The following SNTB2 variants were observed in gnomAD, a reference collection of about 807,000 sequenced individuals.
SNTB2 encodes the protein beta-2-syntrophin.
Under a neutral mutation model 46.2 loss-of-function variants are expected in SNTB2, and 34 were observed. The observed-to-expected ratio is 0.74, with a 90% confidence interval of 0.56 to 0.98. SNTB2 has a LOEUF of 0.98. Ranked by LOEUF, SNTB2 falls within the 50% of genes least tolerant of loss-of-function variation. The probability of loss-of-function intolerance (pLI) is 0.00; values close to 1 mark genes in which losing one functional copy is unlikely to be tolerated. For missense variants in SNTB2, 603 were observed against 731.4 expected (o/e 0.82, Z 2.02); for synonymous variants, 290 against 312.6 (o/e 0.93, Z 0.76).
rs1303720188 is a variant in SNTB2, at chr16:69,187,601, C to T, written c.435C>T (p.Ile145=). ...ENRMPILISK[I]FPGLAADQSR... Reference sequence around the variant, plus strand: ...GGATGCCGATCCTCATCTCCAAGATCTTCCCCGGGCTGGCTGCCGACCAGA... The same window carrying T: ...GGATGCCGATCCTCATCTCCAAGATTTTCCCCGGGCTGGCTGCCGACCAGA... Residue 145 remains isoleucine (I), a synonymous_variant, in exon 1 of 7, where the codon ATC becomes ATT. Transcript: ENST00000336278. 1.3e-6 allele frequency: 2 copies of T among 1,554,112 alleles called. No individual in the cohort carries two copies. Among genetic ancestry groups the T allele is most frequent in the Admixed American group, 3.9e-5 (2 of 51,408 alleles).
At chr16:69,263,133 G>T in intron 3 of SNTB2, among the ~76,000 whole-genome samples, 1 of 149,064 alleles carries the variant, frequency 6.7e-6, no homozygotes, top group Non-Finnish European at 1.5e-5. Flanking sequence ...TTGAGACAGG[G>T]TCTCATTCTT....
At chr16:69,195,049 A>G (rs75336821) in intron 1 of SNTB2, among the ~76,000 whole-genome samples, 3,756 of 152,224 alleles carry the variant, frequency 0.025, 164 homozygotes, top group African/African-American at 0.085. Context: ...TATTTTCAGT[A>G]TTTTATTGGT....
intron 3 of SNTB2, among the ~76,000 whole-genome samples, chr16:69,265,803 G>A (rs1964878276): frequency 6.7e-6 from 1 of 150,366 alleles, no homozygotes; most frequent in Non-Finnish European, 1.5e-5. Context: ...CTCCAGCCTA[G>A]GTGACAGGGT....
chr16:69,222,872 C>T (rs1964420121), intron 1 of SNTB2, among the ~76,000 whole-genome samples: 1 of 151,740 alleles, frequency 6.6e-6, no homozygotes, highest in African/African-American at 2.4e-5. Context: ...ACCTCTGCCT[C>T]CCAGGTTCAA....
chr16:69,292,389 ATTATATATATATATATATT>A (rs1965173899), intron 5 of SNTB2, among the ~76,000 whole-genome samples: 1 of 11,336 alleles, frequency 8.8e-5, no homozygotes, highest in African/African-American at 2.7e-4. Context: ...TTATATATAT[ATTATATATATATATATATT>A]ATATATATAT....
chr16:69,297,833 G>T (rs900040987), intron 5 of SNTB2, among the ~76,000 whole-genome samples: 1 of 151,232 alleles, frequency 6.6e-6, no homozygotes, highest in Admixed American at 6.6e-5. Context: ...AGAATTGCTT[G>T]AGCCCAGGAG....
chr16:69,241,552 C>T (rs981202999), intron 1 of SNTB2, among the ~76,000 whole-genome samples: 20 of 148,636 alleles, frequency 1.3e-4, no homozygotes, highest in East Asian at 2.2e-4. Context: ...TGGGAGACTC[C>T]GAGGTGGGCA....
intron 5 of SNTB2, among the ~76,000 whole-genome samples, chr16:69,291,769 C>A (rs1965160978): frequency 6.6e-6 from 1 of 152,018 alleles, no homozygotes; most frequent in Admixed American, 6.6e-5. Context: ...AAGACCGCGT[C>A]TCTATGAAAA....
intron 1 of SNTB2, among the ~76,000 whole-genome samples, chr16:69,205,922 T>A (rs1353885987): frequency 1.3e-5 from 2 of 152,208 alleles, no homozygotes; most frequent in African/African-American, 2.4e-5. Flanking sequence ...ATCCTTTCCA[T>A]TGAGGTCCTA....
chr16:69,265,846 A>G (rs934746060), intron 3 of SNTB2, among the ~76,000 whole-genome samples: 4 of 151,816 alleles, frequency 2.6e-5, no homozygotes, highest in African/African-American at 7.3e-5. Context: ...AAAAAAAAAA[A>G]AAGAAATAAA....
At chr16:69,207,336 G>T (rs1190480367) in intron 1 of SNTB2, among the ~76,000 whole-genome samples, 1 of 149,246 alleles carries the variant, frequency 6.7e-6, no homozygotes, top group African/African-American at 2.5e-5. Context: ...GTATTTTTTC[G>T]GTAGAGATGG....
At position 69,251,071 on chromosome 16, in the gene SNTB2, C is replaced by T. The variant is rs1475932518; in HGVS notation, c.794+5256C>T. Among the ~76,000 whole-genome samples the T allele has an allele frequency of 6.7e-5, 10 of 148,528 alleles. No homozygotes were observed. The South Asian group carries it at 8.5e-4, about 13-fold the overall frequency. On this transcript the variant is annotated intron_variant, in intron 2 of 6. Transcript: ENST00000336278. ...TCGGCTCACTGCAAGCTCCGCCTCC[C>T]GGGTTCACGCCATTCTCCTGCCTCA...
chr16:69,222,004 C>T (rs1433440411), intron 1 of SNTB2, among the ~76,000 whole-genome samples: 1 of 152,196 alleles, frequency 6.6e-6, no homozygotes, highest in African/African-American at 2.4e-5. Context: ...ACACTGCATA[C>T]TTGACATTTA....
At chr16:69,276,176 C>G (rs1964983491) in intron 4 of SNTB2, among the ~76,000 whole-genome samples, 1 of 150,998 alleles carries the variant, frequency 6.6e-6, no homozygotes, top group Non-Finnish European at 1.5e-5. Flanking sequence ...TTCCTATAAG[C>G]CTTCTTTGGA....
intron 1 of SNTB2, among the ~76,000 whole-genome samples, chr16:69,235,512 T>G (rs565523265): frequency 6.6e-5 from 10 of 152,092 alleles, no homozygotes; most frequent in South Asian, 2.1e-4. Flanking sequence ...AAGGTGGAGT[T>G]TTTTAGAGAC....
rs78779717 is a variant in SNTB2, at chr16:69,242,165, C to G, written c.581-3437C>G. On this transcript the variant is annotated intron_variant, in intron 1 of 6. Transcript: ENST00000336278. ...GCAACAGGCTGGGTGGTGGCTCATG[C>G]TTGTAATCCCAACGCTTTGAGAGGC... Among the ~76,000 whole-genome samples, 696 of 152,220 alleles carry G rather than the reference C, an allele frequency of 4.6e-3. 32 individuals carry two copies. In the South Asian group the frequency reaches 0.09, roughly 20 times the overall value.
At chr16:69,266,221 G>T (rs1278133751) in intron 3 of SNTB2, among the ~76,000 whole-genome samples, 1 of 152,084 alleles carries the variant, frequency 6.6e-6, no homozygotes, top group Non-Finnish European at 1.5e-5. Context: ...AAAATTAGCC[G>T]GGCATGGTGG....
At chr16:69,205,414 G>C (rs1340062871) in intron 1 of SNTB2, among the ~76,000 whole-genome samples, 2 of 151,150 alleles carry the variant, frequency 1.3e-5, no homozygotes, top group Non-Finnish European at 2.9e-5. Context: ...TGGCCAGGCT[G>C]GTCTCAAACT....
chr16:69,228,876 T>C (rs899084708), intron 1 of SNTB2, among the ~76,000 whole-genome samples: 2 of 152,162 alleles, frequency 1.3e-5, no homozygotes, highest in Admixed American at 6.6e-5. Context: ...TCAGAGGTAA[T>C]CTTCAAACCT....
Sources: allele counts gnomAD v4.1 joint callset (sites outside exome capture counted in the v4.1 genomes callset), GRCh38; gene constraint gnomAD v4.1.1; transcripts MANE v1.5; gene names NCBI Gene and HGNC (gene_info 2026-07-23, HGNC 2026-07-21).